Variants in POFUT3 observed in about 807,000 individuals in gnomAD.
The protein encoded by POFUT3 is GDP-fucose protein O-fucosyltransferase 3.
chr8:33,387,204 T>C, the POFUT3 span, among the ~76,000 whole-genome samples: 2,186 of 152,276 alleles, frequency 0.014, 51 homozygotes, highest in African/African-American at 0.049. Context: ...AGAAGAATGA[T>C]GTAATATTTA....
the POFUT3 span, among the ~76,000 whole-genome samples, chr8:33,454,730 G>A: frequency 5.3e-5 from 8 of 150,272 alleles, no homozygotes; most frequent in African/African-American, 1.2e-4. Flanking sequence ...GCAGTGGCGC[G>A]ATCTTGGCTT....
At chr8:33,309,618 C>T in the POFUT3 span, among the ~76,000 whole-genome samples, 2 of 152,268 alleles carry the variant, frequency 1.3e-5, no homozygotes, top group East Asian at 3.9e-4. Context: ...GATGAATCCT[C>T]AGGTCCTTGT....
chr8:33,471,240 G>T, the POFUT3 span, among the ~76,000 whole-genome samples: 21 of 129,084 alleles, frequency 1.6e-4, no homozygotes, highest in South Asian at 4.4e-4. Flanking sequence ...TTTGTTTTTT[G>T]TTGTTGTTGT....
chr8:33,335,684 C>T, the POFUT3 span, among the ~76,000 whole-genome samples: 1 of 152,030 alleles, frequency 6.6e-6, no homozygotes, highest in Non-Finnish European at 1.5e-5. Context: ...GGAGCCTTAC[C>T]AATAACATAA....
At chr8:33,438,869 G>A in the POFUT3 span, among the ~76,000 whole-genome samples, 2 of 152,136 alleles carry the variant, frequency 1.3e-5, no homozygotes, top group Non-Finnish European at 2.9e-5. Context: ...TCACTACCAT[G>A]TGAACAGTCT....
chr8:33,466,514 G>A, the POFUT3 span, among the ~76,000 whole-genome samples: 1 of 151,944 alleles, frequency 6.6e-6, no homozygotes, highest in African/African-American at 2.4e-5. Flanking sequence ...GCAGGGCAGG[G>A]AAGGGGAAAG....
the POFUT3 span, among the ~76,000 whole-genome samples, chr8:33,384,066 C>T: frequency 6.6e-6 from 1 of 152,084 alleles, no homozygotes; most frequent in Non-Finnish European, 1.5e-5. Flanking sequence ...ATCAACATGG[C>T]TCCAATCAGT....
the POFUT3 span, among the ~76,000 whole-genome samples, chr8:33,378,846 A>T: frequency 6.6e-6 from 1 of 152,132 alleles, no homozygotes; most frequent in Admixed American, 6.5e-5. Flanking sequence ...TAACAATAGC[A>T]ACACAAAATC....
At chr8:33,318,053 A>G in the POFUT3 span, among the ~76,000 whole-genome samples, 1 of 152,136 alleles carries the variant, frequency 6.6e-6, no homozygotes, top group Non-Finnish European at 1.5e-5. Flanking sequence ...AATTGCAGGC[A>G]AAGTGTCAGA....
chr8:33,377,787 G>C, the POFUT3 span, among the ~76,000 whole-genome samples: 197 of 152,278 alleles, frequency 1.3e-3, no homozygotes, highest in Non-Finnish European at 2.0e-3. Flanking sequence ...GATTTTAAAA[G>C]ATTTTGTTTC....
chr8:33,311,803 T>C, the POFUT3 span, among the ~76,000 whole-genome samples: 1 of 152,126 alleles, frequency 6.6e-6, no homozygotes, highest in Non-Finnish European at 1.5e-5. Flanking sequence ...TGATATGTTT[T>C]TGTGGTGGAT....
the POFUT3 span, chr8:33,453,585 AT>A: frequency 8.0e-7 from 1 of 1,251,000 alleles, no homozygotes; most frequent in Non-Finnish European, 1.1e-6. Flanking sequence ...AATCTTGATG[AT>A]TTAGCCCCTG....
chr8:33,436,745 A>G, the POFUT3 span: 1 of 628,306 alleles, frequency 1.6e-6, no homozygotes, highest in East Asian at 2.9e-5. Context: ...TCCTCCTTGC[A>G]GCACGGACGC....
chr8:33,324,300 G>A, the POFUT3 span, among the ~76,000 whole-genome samples: 1 of 152,200 alleles, frequency 6.6e-6, no homozygotes, highest in Non-Finnish European at 1.5e-5. Flanking sequence ...ATAATGGTGA[G>A]CAAATAGCAG....
At chr8:33,431,952 C>G in the POFUT3 span, among the ~76,000 whole-genome samples, 2 of 152,070 alleles carry the variant, frequency 1.3e-5, no homozygotes, top group Non-Finnish European at 2.9e-5. Flanking sequence ...AGGGACCACA[C>G]CATTATCTCC....
the POFUT3 span, chr8:33,389,036 T>C: frequency 1.9e-6 from 3 of 1,614,084 alleles, no homozygotes; most frequent in South Asian, 3.3e-5. Context: ...GTAATTGTCC[T>C]GGTTGACGTC....
At chr8:33,460,568 C>A in the POFUT3 span, 1 of 174,780 alleles carries the variant, frequency 5.7e-6, no homozygotes, top group Non-Finnish European at 1.1e-5. Context: ...CAGAATAGTC[C>A]TTGCTTCTCC....
the POFUT3 span, among the ~76,000 whole-genome samples, chr8:33,310,110 G>A: frequency 6.6e-6 from 1 of 151,990 alleles, no homozygotes; most frequent in African/African-American, 2.4e-5. Flanking sequence ...CTGTTGACTG[G>A]GCTTAAAAAT....
At chr8:33,415,842 A>C in the POFUT3 span, among the ~76,000 whole-genome samples, 3 of 152,340 alleles carry the variant, frequency 2.0e-5, no homozygotes, top group South Asian at 6.2e-4. Flanking sequence ...ATGGTCCCCC[A>C]AGGGAAAAAA....
Sources: gnomAD v4.1 joint callset for allele counts (sites outside exome capture counted in the v4.1 genomes callset) on GRCh38, gnomAD v4.1.1 for gene constraint, MANE v1.5 for transcripts, NCBI Gene and HGNC (gene_info 2026-07-23, HGNC 2026-07-21) for gene names.